NRXN1: variants seen among roughly 807,000 people sequenced by gnomAD.
NRXN1 encodes the protein neurexin 1.
Under a neutral mutation model 150.9 loss-of-function variants are expected in NRXN1, and 39 were observed. The observed-to-expected ratio is 0.26, with a 90% confidence interval of 0.20 to 0.34. The LOEUF is 0.34. NRXN1 is among the 10% of genes least tolerant of loss of function. The pLI is 1.00. For synonymous variants in NRXN1, 924 were observed against 757.0 expected (o/e 1.22, Z -3.62); for missense variants, 1,815 against 1,949.9 (o/e 0.93, Z 1.30).
At chr2:50,845,926 T>C (rs1045855188) in intron 5 of NRXN1, among the ~76,000 whole-genome samples, 1 of 152,200 alleles carries the variant, frequency 6.6e-6, no homozygotes, top group African/African-American at 2.4e-5. Context: ...TCTCTAGCAA[T>C]AGCACAGCCC....
intron 15 of NRXN1, among the ~76,000 whole-genome samples, chr2:50,477,211 G>A (rs973967979): frequency 6.6e-6 from 1 of 152,098 alleles, no homozygotes; most frequent in Non-Finnish European, 1.5e-5. Flanking sequence ...TATAAGTAAA[G>A]TCAAAGGAAA....
At chr2:50,729,903 T>C (rs768920633) in intron 5 of NRXN1, among the ~76,000 whole-genome samples, 3 of 152,190 alleles carry the variant, frequency 2.0e-5, no homozygotes, top group Non-Finnish European at 2.9e-5. Flanking sequence ...AGGATGCCTC[T>C]TTTCGCATGA....
At chr2:50,441,530 G>C (rs562785008) in intron 17 of NRXN1, among the ~76,000 whole-genome samples, 1 of 152,220 alleles carries the variant, frequency 6.6e-6, no homozygotes, top group East Asian at 1.9e-4. Context: ...CTTTCCAGCA[G>C]TAGGTGGGAA....
At chr2:50,897,686 A>T (rs72823558) in intron 5 of NRXN1, among the ~76,000 whole-genome samples, 29,182 of 152,152 alleles carry the variant, frequency 0.19, 3,216 homozygotes, top group Non-Finnish European at 0.25. Context: ...GGTGATTCCA[A>T]TTAAACAAAA....
intron 5 of NRXN1, among the ~76,000 whole-genome samples, chr2:50,811,632 G>C (rs946323227): frequency 6.6e-6 from 1 of 152,158 alleles, no homozygotes; most frequent in Non-Finnish European, 1.5e-5. Flanking sequence ...AGTAGCAGGA[G>C]CACTGACATG....
chr2:50,575,631 T>G (rs1470429980), intron 8 of NRXN1, among the ~76,000 whole-genome samples: 3 of 152,216 alleles, frequency 2.0e-5, no homozygotes, highest in African/African-American at 7.2e-5. Context: ...TAAAAATAGA[T>G]ATTAGAGTTT....
At chr2:50,875,973 C>T (rs1042598906) in intron 5 of NRXN1, among the ~76,000 whole-genome samples, 1 of 151,796 alleles carries the variant, frequency 6.6e-6, no homozygotes, top group Non-Finnish European at 1.5e-5. Context: ...GTGGAAGAGA[C>T]CCTGTAATTC....
intron 5 of NRXN1, among the ~76,000 whole-genome samples, chr2:50,781,490 G>A (rs1704341602): frequency 1.3e-5 from 2 of 152,152 alleles, no homozygotes; most frequent in Non-Finnish European, 2.9e-5. Flanking sequence ...AAAAGATTTT[G>A]TGAAGGAAGG....
At chr2:50,145,449 C>G (rs1426881911) in intron 18 of NRXN1, among the ~76,000 whole-genome samples, 1 of 151,624 alleles carries the variant, frequency 6.6e-6, no homozygotes, top group Admixed American at 6.6e-5. Context: ...ATAATCTAAT[C>G]TAAAAAGTAG....
intron 21 of NRXN1, among the ~76,000 whole-genome samples, chr2:50,006,379 T>A (rs1231265161): frequency 6.6e-6 from 1 of 152,102 alleles, no homozygotes; most frequent in East Asian, 1.9e-4. Flanking sequence ...AATAATTCCA[T>A]TCCCTGGCTT....
chr2:50,784,263 A>T (rs115738242), intron 5 of NRXN1, among the ~76,000 whole-genome samples: 3,102 of 152,206 alleles, frequency 0.02, 53 homozygotes, highest in Middle Eastern at 0.044. Flanking sequence ...TTACACTTTT[A>T]TCAAAGGGTC....
At chr2:50,881,744 C>A (rs1679467084) in intron 5 of NRXN1, among the ~76,000 whole-genome samples, 2 of 151,612 alleles carry the variant, frequency 1.3e-5, no homozygotes, top group South Asian at 4.2e-4. Flanking sequence ...ATAATAATGT[C>A]TCTGAAATTG....
intron 17 of NRXN1, among the ~76,000 whole-genome samples, chr2:50,451,441 T>A (rs2086956312): frequency 1.3e-5 from 2 of 152,202 alleles, no homozygotes; most frequent in Non-Finnish European, 2.9e-5. Context: ...TTTGAAGGTA[T>A]AGCTCTTCTA....
At chr2:50,399,789 T>TAAAAAAAAAAAAAAAAAA (rs562980355) in intron 17 of NRXN1, among the ~76,000 whole-genome samples, 1 of 60,524 alleles carries the variant, frequency 1.7e-5, no homozygotes. Flanking sequence ...AGAGAACTGG[T>TAAAAAAAAAAAAAAAAAA]AAAAAAAAAA....
At chr2:50,132,462 C>T (rs1250956599) in intron 18 of NRXN1, among the ~76,000 whole-genome samples, 1 of 152,012 alleles carries the variant, frequency 6.6e-6, no homozygotes, top group Non-Finnish European at 1.5e-5. Flanking sequence ...CCCGCCACCA[C>T]ACCTGGCTAA....
At chr2:50,843,052 T>C (rs1673107500) in intron 5 of NRXN1, among the ~76,000 whole-genome samples, 1 of 152,178 alleles carries the variant, frequency 6.6e-6, no homozygotes, top group Admixed American at 6.5e-5. Context: ...TAGTACTCAT[T>C]ATCGCTAAAG....
chr2:50,480,326 T>A (rs1302915663), intron 15 of NRXN1, among the ~76,000 whole-genome samples: 1 of 152,166 alleles, frequency 6.6e-6, no homozygotes, highest in Non-Finnish European at 1.5e-5. Flanking sequence ...AATTAAAATA[T>A]GTACAAAAAT....
intron 5 of NRXN1, among the ~76,000 whole-genome samples, chr2:50,692,002 T>C (rs921199534): frequency 6.6e-6 from 1 of 152,188 alleles, no homozygotes; most frequent in Admixed American, 6.6e-5. Context: ...CCTGCACTGA[T>C]TCAGGCTGTC....
chr2:50,998,845 T>G (rs982493763), intron 2 of NRXN1, among the ~76,000 whole-genome samples: 1 of 152,068 alleles, frequency 6.6e-6, no homozygotes, highest in African/African-American at 2.4e-5. Flanking sequence ...CAGTATAAAC[T>G]TGATAAATGT....
Sources: allele counts gnomAD v4.1 joint callset (sites outside exome capture counted in the v4.1 genomes callset), GRCh38; gene constraint gnomAD v4.1.1; transcripts MANE v1.5; gene names NCBI Gene and HGNC (gene_info 2026-07-23, HGNC 2026-07-21).